The following GPR39 variants were observed in gnomAD, a reference collection of about 807,000 sequenced individuals.
GPR39 encodes the protein zinc sensing receptor.
GPR39 carries 23 observed loss-of-function variants against 18.4 expected under a neutral mutation model. The ratio of observed to expected loss-of-function variants is 1.25; its 90% confidence interval spans 0.90 to 1.77. GPR39 has a LOEUF of 1.77. GPR39 is among the 40% of genes most tolerant of loss of function. The probability of loss-of-function intolerance (pLI) is 0.00; values close to 1 mark genes in which losing one functional copy is unlikely to be tolerated. For synonymous variants in GPR39, 280 were observed against 257.9 expected, an observed-to-expected ratio of 1.09 and a Z score of -0.82; for missense variants, 647 against 602.4, an observed-to-expected ratio of 1.07 and a Z score of -0.78.
chr2:132,424,020 A>G (rs528790730), intron 1 of GPR39, among the ~76,000 whole-genome samples: 41 of 152,312 alleles, frequency 2.7e-4, no homozygotes, highest in Non-Finnish European at 5.0e-4. Context: ...GCTATCTTTG[A>G]AAGGGTTATG....
chr2:132,481,881 A>G (rs917951976), intron 1 of GPR39, among the ~76,000 whole-genome samples: 1 of 152,200 alleles, frequency 6.6e-6, no homozygotes, highest in Non-Finnish European at 1.5e-5. Flanking sequence ...TGATTTTGTC[A>G]GGAAATACTT....
intron 1 of GPR39, among the ~76,000 whole-genome samples, chr2:132,499,469 G>T (rs1681712384): frequency 2.0e-5 from 3 of 152,078 alleles, no homozygotes; most frequent in Admixed American, 1.3e-4. Context: ...ATAGTGTGAA[G>T]TTGGGGGGTG....
chr2:132,505,381 A>G (rs1260442021), intron 1 of GPR39, among the ~76,000 whole-genome samples: 3 of 152,232 alleles, frequency 2.0e-5, no homozygotes, highest in African/African-American at 7.2e-5. Context: ...TGGGGAAGTT[A>G]TCACTTCTAT....
chr2:132,540,332 G>C (rs1679840382), intron 1 of GPR39, among the ~76,000 whole-genome samples: 1 of 152,182 alleles, frequency 6.6e-6, no homozygotes, highest in Non-Finnish European at 1.5e-5. Context: ...GCAGCATCAG[G>C]GGAGGGGAGG....
At chr2:132,595,246 C>T (rs1222458512) in intron 1 of GPR39, among the ~76,000 whole-genome samples, 1 of 152,156 alleles carries the variant, frequency 6.6e-6, no homozygotes, top group Non-Finnish European at 1.5e-5. Flanking sequence ...GATCTGCCCA[C>T]CTGCCTCGGC....
intron 1 of GPR39, among the ~76,000 whole-genome samples, chr2:132,437,627 A>G (rs1174345020): frequency 6.6e-6 from 1 of 152,150 alleles, no homozygotes; most frequent in Non-Finnish European, 1.5e-5. Flanking sequence ...GCCAGCCTCC[A>G]TGGGCTTCAG....
chr2:132,476,794 A>G (rs557743205), intron 1 of GPR39, among the ~76,000 whole-genome samples: 2 of 152,326 alleles, frequency 1.3e-5, no homozygotes, highest in Admixed American at 1.3e-4. Context: ...ACAAATGTAA[A>G]GGAGTCCATT....
At position 132,645,814 on chromosome 2, in the gene GPR39, T is replaced by G; in HGVS notation, c.*208T>G. 1.4e-6 allele frequency: 1 copy of G among 711,526 alleles called. No homozygotes were observed. Among genetic ancestry groups the G allele is most frequent in the Non-Finnish European group, 2.3e-6 (1 of 443,238 alleles). The allele number at this position is 711,526 out of a possible 1,614,324, so 44.1% of individuals were successfully genotyped here. On this transcript the variant is annotated 3_prime_UTR_variant, in exon 2 of 2. Coordinates refer to ENST00000329321, the MANE Select transcript of GPR39 (RefSeq NM_001508.3). The stretch of plus-strand genomic sequence containing the variant: ...CGGTTACACAGACATGGGGGTGAAC[T>G]TTCACTCCACCTCCTTCCTTCAAGT...
At chr2:132,451,284 C>T (rs1211945585) in intron 1 of GPR39, among the ~76,000 whole-genome samples, 1 of 152,160 alleles carries the variant, frequency 6.6e-6, no homozygotes, top group African/African-American at 2.4e-5. Context: ...TCTATTTCCA[C>T]TCTGCTTTAT....
At chr2:132,548,724 T>C (rs1212117685) in intron 1 of GPR39, among the ~76,000 whole-genome samples, 2 of 152,238 alleles carry the variant, frequency 1.3e-5, no homozygotes, top group East Asian at 3.8e-4. Context: ...ATATCTGCTT[T>C]CTAGGTTTTG....
At chr2:132,527,721 G>A (rs1235270575) in intron 1 of GPR39, among the ~76,000 whole-genome samples, 1 of 152,032 alleles carries the variant, frequency 6.6e-6, no homozygotes, top group Non-Finnish European at 1.5e-5. Flanking sequence ...TATGTTTGTT[G>A]GCTACATAAA....
At chr2:132,591,798 A>T (rs1680849884) in intron 1 of GPR39, among the ~76,000 whole-genome samples, 2 of 152,144 alleles carry the variant, frequency 1.3e-5, no homozygotes, top group African/African-American at 4.8e-5. Flanking sequence ...GTTTGGGGAA[A>T]TTATGAAATA....
chr2:132,512,478 T>C (rs890155507), intron 1 of GPR39, among the ~76,000 whole-genome samples: 1 of 152,144 alleles, frequency 6.6e-6, no homozygotes, highest in Non-Finnish European at 1.5e-5. Context: ...TGCTTGGTGG[T>C]TATGGTTTGT....
At chr2:132,545,653 GGCGTGTGTGT>G (rs1229422998) in intron 1 of GPR39, among the ~76,000 whole-genome samples, 2 of 134,684 alleles carry the variant, frequency 1.5e-5, no homozygotes, top group African/African-American at 5.0e-5. Flanking sequence ...ATGTGTGATG[GGCGTGTGTGT>G]GTGTGTGTGT....
At chr2:132,586,323 G>C (rs1368689996) in intron 1 of GPR39, among the ~76,000 whole-genome samples, 1 of 152,094 alleles carries the variant, frequency 6.6e-6, no homozygotes, top group Non-Finnish European at 1.5e-5. Context: ...TCAGCCCTGC[G>C]CCTTGCATTG....
intron 1 of GPR39, chr2:132,644,793 C>T (rs924181147): frequency 5.9e-5 from 19 of 322,672 alleles, no homozygotes; most frequent in Middle Eastern, 8.5e-4. Flanking sequence ...TTTCTGGATA[C>T]GCAAACAAAC....
chr2:132,466,648 T>G (rs1320970079), intron 1 of GPR39, among the ~76,000 whole-genome samples: 1 of 152,162 alleles, frequency 6.6e-6, no homozygotes, highest in Non-Finnish European at 1.5e-5. Flanking sequence ...ACTAAACACA[T>G]AGGCAGAGTG....
intron 1 of GPR39, among the ~76,000 whole-genome samples, chr2:132,629,539 G>T (rs755225680): frequency 6.6e-6 from 1 of 152,208 alleles, no homozygotes; most frequent in Non-Finnish European, 1.5e-5. Flanking sequence ...TTTAGATGTA[G>T]ATCCTGCAGT....
In GPR39 at chr2:132,568,735, G is replaced by A. The variant is rs529102550; in HGVS notation, c.857-76366G>A. Among the ~76,000 whole-genome samples the A allele has an allele frequency of 6.6e-5, 10 of 151,884 alleles. No homozygotes were observed. The South Asian group carries it at 8.3e-4, about 13-fold the overall frequency. On this transcript the variant is annotated intron_variant, in intron 1 of 1. Transcript: ENST00000329321. ...AACCTAGGTTTTCAACAGTGTCATC[G>A]AGCTGCTAAACAAGTCAAATTTGGA...
Sources: allele counts gnomAD v4.1 joint callset (sites outside exome capture counted in the v4.1 genomes callset), GRCh38; gene constraint gnomAD v4.1.1; transcripts MANE v1.5; gene names NCBI Gene and HGNC (gene_info 2026-07-23, HGNC 2026-07-21).